The following CCDC138 variants were observed in gnomAD, a reference collection of about 807,000 sequenced individuals.
CCDC138 encodes the protein coiled-coil domain-containing protein 138.
CCDC138 carries 66 observed loss-of-function variants against 82.3 expected under a neutral mutation model. The observed-to-expected ratio is 0.80, with a 90% confidence interval of 0.66 to 0.98. The LOEUF (loss-of-function observed/expected upper bound fraction) is 0.98, where lower values mean the gene tolerates loss of function less well. CCDC138 is among the 50% of genes least tolerant of loss of function. The probability of loss-of-function intolerance (pLI) is 0.00; values close to 1 mark genes in which losing one functional copy is unlikely to be tolerated. For missense variants in CCDC138, 816 were observed against 758.9 expected, an observed-to-expected ratio of 1.08 and a Z score of -0.88; for synonymous variants, 297 against 265.4, an observed-to-expected ratio of 1.12 and a Z score of -1.16.
At chr2:108,815,479 T>TTG (rs1684625936) in intron 9 of CCDC138, among the ~76,000 whole-genome samples, 4 of 144,272 alleles carry the variant, frequency 2.8e-5, no homozygotes, top group African/African-American at 1.0e-4. Context: ...TTTTTTTTTT[T>TTG]TTTTTGAGAT....
chr2:108,807,622 T>TTTTTGAGATGAGTCTCATTTC (rs1683084151), intron 7 of CCDC138, among the ~76,000 whole-genome samples: 1 of 152,148 alleles, frequency 6.6e-6, no homozygotes, highest in South Asian at 2.1e-4. Flanking sequence ...TCTTTTTGTT[T>TTTTTGAGATGAGTCTCATTTC]TGTTTTGTTT....
chr2:108,813,101 T>C (rs1403282215), intron 9 of CCDC138, among the ~76,000 whole-genome samples, 174 bp downstream of exon 9: 3 of 151,366 alleles, frequency 2.0e-5, no homozygotes, highest in African/African-American at 4.9e-5. Flanking sequence ...TACAGAAAAT[T>C]AGCCAGGCAT....
Position 108,808,917 on chromosome 2 carries a change from C to G in CCDC138, c.856-3714C>G, listed in dbSNP as rs1244448979. On this transcript the variant is annotated intron_variant, in intron 7 of 14. Coordinates refer to ENST00000295124, the MANE Select transcript of CCDC138 (RefSeq NM_144978.3). ...CCAGGCGATTGTCGTGAACTATTTC[C>G]CATTTTTTCCTCTAGTAGTTGCATA... 2.6e-5 allele frequency among the ~76,000 whole-genome samples: 4 copies of G among 152,082 alleles called. No homozygotes were observed. The East Asian group carries it at 7.7e-4, about 29-fold the overall frequency.
intron 10 of CCDC138, among the ~76,000 whole-genome samples, chr2:108,829,525 C>T (rs1488453497): frequency 6.6e-6 from 1 of 152,194 alleles, no homozygotes; most frequent in Admixed American, 6.5e-5. Flanking sequence ...GCAGGCGGGT[C>T]ACTTGAGGTC....
chr2:108,786,833 G>A lies in CCDC138; in HGVS notation c.11G>A (p.Arg4Lys). 6.3e-7 allele frequency: 1 copy of A among 1,591,462 alleles called. No homozygotes were observed. The highest frequency in any genetic ancestry group is 1.1e-5 in the South Asian group (1 of 87,302). Residue 4 changes from arginine to lysine, a missense_variant, in exon 1 of 15, where the codon AGG becomes AAG. By Grantham distance (26) the Arg-to-Lys change is conservative. Transcript: ENST00000295124. Reference protein sequence around the residue: MEPRVVKPPGQDLV... With the variant: MEPKVVKPPGQDLV... Reference sequence around the variant, plus strand: ...CGGTTGCTGTGTGCTATGGAGCCGAGGGTCGTCAAGCCACCGGGGCAGGAT... The same window carrying A: ...CGGTTGCTGTGTGCTATGGAGCCGAAGGTCGTCAAGCCACCGGGGCAGGAT...
chr2:108,863,792 A>G (rs1693983605), intron 13 of CCDC138, among the ~76,000 whole-genome samples: 1 of 152,252 alleles, frequency 6.6e-6, no homozygotes, highest in South Asian at 2.1e-4. Context: ...GTTCTTGGTC[A>G]GCCACTTCAG....
At chr2:108,849,852 A>G (rs1308458072) in intron 12 of CCDC138, among the ~76,000 whole-genome samples, 1 of 152,240 alleles carries the variant, frequency 6.6e-6, no homozygotes, top group East Asian at 1.9e-4. Flanking sequence ...CCATCAAGAA[A>G]GAAGCCTGAA....
intron 13 of CCDC138, among the ~76,000 whole-genome samples, chr2:108,858,571 T>G (rs1693019043): frequency 6.6e-6 from 1 of 152,194 alleles, no homozygotes; most frequent in Non-Finnish European, 1.5e-5. Context: ...GCCAGTACGA[T>G]TTATTAGAGC....
intron 13 of CCDC138, among the ~76,000 whole-genome samples, chr2:108,869,223 G>A (rs1213243614): frequency 6.6e-6 from 1 of 152,074 alleles, no homozygotes; most frequent in African/African-American, 2.4e-5. Flanking sequence ...AAGATCTGTA[G>A]CAACCCAGCA....
chr2:108,798,958 G>A (rs918969010), intron 6 of CCDC138, among the ~76,000 whole-genome samples: 11 of 151,890 alleles, frequency 7.2e-5, no homozygotes, highest in Non-Finnish European at 1.0e-4. Context: ...GACCATTAGC[G>A]CATATCAGGA....
chr2:108,811,164 CT>C (rs1417571604), intron 7 of CCDC138, among the ~76,000 whole-genome samples: 2 of 150,290 alleles, frequency 1.3e-5, no homozygotes, highest in East Asian at 1.9e-4. Flanking sequence ...CCCTACCCCC[CT>C]AACCCTGCCT....
rs1690561380 is a variant in CCDC138 at position 108,846,777 on chromosome 2, G to A, written c.1363G>A (p.Asp455Asn). 1.2e-6 allele frequency: 2 copies of A among 1,612,982 alleles called. No homozygotes were observed. The highest frequency in any genetic ancestry group is 3.3e-5 in the Admixed American group (2 of 59,872). ...MTSTLRRLGE[D>N]IFKGVVTKGI... Reference sequence around the variant, plus strand: ...ATCAACATTGAGGAGATTGGGTGAAGACATTTTTAAAGGAGTGGTAACTAA... The same window carrying A: ...ATCAACATTGAGGAGATTGGGTGAAAACATTTTTAAAGGAGTGGTAACTAA... The change falls in exon 12 of 15, where the codon GAC becomes AAC. Residue 455 changes from aspartate (D) to asparagine (N), a missense_variant. Physicochemically the swap from Asp to Asn is conservative, Grantham distance 23 (BLOSUM62 1). Coordinates refer to ENST00000295124, the MANE Select transcript of CCDC138 (RefSeq NM_144978.3).
intron 13 of CCDC138, among the ~76,000 whole-genome samples, chr2:108,869,029 T>C (rs971564112): frequency 2.0e-5 from 3 of 152,152 alleles, no homozygotes; most frequent in Non-Finnish European, 4.4e-5. Flanking sequence ...TATAAAAATT[T>C]TGTTTTGTTT....
At chr2:108,860,488 T>C (rs1032030861) in intron 13 of CCDC138, among the ~76,000 whole-genome samples, 3 of 152,024 alleles carry the variant, frequency 2.0e-5, no homozygotes, top group Non-Finnish European at 2.9e-5. Flanking sequence ...ATGACTCTTA[T>C]TATTTCAATG....
At chr2:108,882,047 G>A (rs1238713523) in intron 1 of CCDC138, 4 of 152,182 alleles carry the variant, frequency 2.6e-5, no homozygotes, top group African/African-American at 9.7e-5. Context: ...CTAGCAACTC[G>A]AGAAGCTGAG....
chr2:108,821,928 CAAAA>C (rs61088256), intron 10 of CCDC138, among the ~76,000 whole-genome samples: 2 of 130,854 alleles, frequency 1.5e-5, no homozygotes, highest in Non-Finnish European at 3.2e-5. Context: ...AACTTTGTCT[CAAAA>C]AAAAAAAAAA....
At chr2:108,877,031 A>G (rs1255639808), downstream of CCDC138, among the ~76,000 whole-genome samples, 1 of 152,216 alleles carries the variant, frequency 6.6e-6, no homozygotes, top group Non-Finnish European at 1.5e-5. Flanking sequence ...GTATAATCTC[A>G]GTTTCAGGAG....
chr2:108,788,079 A>G lies in CCDC138; in HGVS notation c.141A>G (p.Leu47=). 3 of 1,601,824 alleles carry G rather than the reference A, an allele frequency of 1.9e-6. No homozygotes were observed. Among genetic ancestry groups the G allele is most frequent in the East Asian group, 2.2e-5 (1 of 44,596 alleles). ...AGTCTAAGTATAAGAGAAGAACTCT[A>G]ACCTCCCCAGGTAAGCCGGTATTTT... ...FYQSKYKRRT[L]TSPGDLDIYS... is the part of the protein sequence containing the mutation. Residue 47 remains leucine (L), a synonymous_variant, in exon 2 of 15, where the codon CTA becomes CTG. Transcript: ENST00000295124.
At chr2:108,847,438 A>T (rs1457148019) in intron 12 of CCDC138, among the ~76,000 whole-genome samples, 2 of 152,200 alleles carry the variant, frequency 1.3e-5, no homozygotes, top group Non-Finnish European at 2.9e-5. Context: ...CCCTTTACAG[A>T]AAATGTTTTT....
Sources: allele counts gnomAD v4.1 joint callset (sites outside exome capture counted in the v4.1 genomes callset), GRCh38; gene constraint gnomAD v4.1.1; transcripts MANE v1.5; gene names NCBI Gene and HGNC (gene_info 2026-07-23, HGNC 2026-07-21).